The following EVC2 variants were observed in gnomAD, a reference collection of about 807,000 sequenced individuals.
EVC2 encodes EvC ciliary complex subunit 2, also known as limbin.
Under a neutral mutation model 149.3 loss-of-function variants are expected in EVC2, and 148 were observed. The observed-to-expected ratio is 0.99, with a 90% CI of 0.87 to 1.14. EVC2 has a LOEUF of 1.14. Ranked by LOEUF, EVC2 falls within the 50% of genes most tolerant of loss-of-function variation. EVC2 has a pLI of 0.00. For synonymous variants in EVC2, 776 were observed against 649.9 expected (o/e 1.19, Z -2.95); for missense variants, 1,854 against 1,627.3 (o/e 1.14, Z -2.40).
At chr4:5,650,632 T>TAGAGAG (rs1225235146) in intron 9 of EVC2, among the ~76,000 whole-genome samples, 58 of 61,506 alleles carry the variant, frequency 9.4e-4, no homozygotes, top group Middle Eastern at 9.1e-3. Context: ...TATATATATA[T>TAGAGAG]ATATATAGAG....
chr4:5,615,269 A>C (rs1413566889), intron 16 of EVC2, among the ~76,000 whole-genome samples, 153 bp downstream of exon 16: 4 of 152,054 alleles, frequency 2.6e-5, no homozygotes, highest in African/African-American at 9.7e-5. Context: ...GGGTCTTCCA[A>C]CTCTTTCTTA....
intron 16 of EVC2, among the ~76,000 whole-genome samples, chr4:5,595,880 C>G (rs2108803183): frequency 6.6e-6 from 1 of 152,178 alleles, no homozygotes. Flanking sequence ...AAAGAGCTAC[C>G]AAGCAAATGG....
In EVC2 at chr4:5,576,994, C is replaced by T. The variant is rs1412396861; in HGVS notation, c.3058-540G>A. On this transcript the variant is annotated intron_variant, in intron 17 of 21. Coordinates refer to ENST00000344408, the MANE Select transcript of EVC2 (RefSeq NM_147127.5). The surrounding 1 kb of genome is among the most constrained non-coding windows in gnomAD (Gnocchi z 4.5). ...GGTATCTGCATGCACCCGGCATGGACGAAAGCCAGGCTGGAACACAGCAAC... is the reference window on the plus strand; with the variant it reads ...GGTATCTGCATGCACCCGGCATGGATGAAAGCCAGGCTGGAACACAGCAAC... Among the ~76,000 whole-genome samples the T allele has an allele frequency of 2.0e-5, 3 of 152,208 alleles. No individual in the cohort carries two copies. The highest frequency in any genetic ancestry group is 2.9e-5 in the Non-Finnish European group (2 of 68,042).
chr4:5,705,332 G>A (rs561428064), intron 1 of EVC2, among the ~76,000 whole-genome samples: 1 of 152,264 alleles, frequency 6.6e-6, no homozygotes, highest in Admixed American at 6.5e-5. Context: ...AGATAGGCTT[G>A]CTACTGAGCA....
At position 5,688,410 on chromosome 4, in the gene EVC2, C is replaced by T. The variant is rs370547398; in HGVS notation, c.706+747G>A. Among the ~76,000 whole-genome samples the T allele has an allele frequency of 9.5e-4, 144 of 152,238 alleles. 1 individual carries two copies. The highest frequency in any genetic ancestry group is 3.2e-3 in the African/African-American group (135 of 41,566). Reference sequence around the variant, plus strand: ...TGACTCAGCCTTGACAGCGGCCAGCCCTATGACCTCGGGCAAGCTTCTCAG... The same window carrying T: ...TGACTCAGCCTTGACAGCGGCCAGCTCTATGACCTCGGGCAAGCTTCTCAG... On this transcript the variant is annotated intron_variant, in intron 5 of 21. Coordinates refer to ENST00000344408, the MANE Select transcript of EVC2 (RefSeq NM_147127.5).
At chr4:5,529,625 A>G in the EVC2 span, among the ~76,000 whole-genome samples, 4 of 152,192 alleles carry the variant, frequency 2.6e-5, no homozygotes, top group South Asian at 2.1e-4. This position sits in a 1 kb window ranked among gnomAD's most constrained non-coding sequence, Gnocchi z 4.5. Context: ...TAGGTGCTCA[A>G]TAAATGCTTG....
chr4:5,576,656 C>T lies in EVC2; in HGVS notation c.3058-202G>A, dbSNP rs974496842. Among the ~76,000 whole-genome samples the T allele has an allele frequency of 1.3e-5, 2 of 152,192 alleles. No individual in the cohort carries two copies. Among genetic ancestry groups the T allele is most frequent in the African/African-American group, 4.8e-5 (2 of 41,442 alleles). ...GTCACCTCCATGCCTCCACATAGGCCGTTCCCTCCACCTGCAGTGCCTTTC... is the reference window on the plus strand; with the variant it reads ...GTCACCTCCATGCCTCCACATAGGCTGTTCCCTCCACCTGCAGTGCCTTTC... On this transcript the variant is annotated intron_variant, in intron 17 of 21. Transcript: ENST00000344408. The surrounding 1 kb of genome is among the most constrained non-coding windows in gnomAD (Gnocchi z 4.5).
At chr4:5,542,736 TACACATGAA>T (rs1008711429), downstream of EVC2, 71 of 181,568 alleles carry the variant, frequency 3.9e-4, no homozygotes, top group African/African-American at 1.7e-3. Context: ...TCACGGTTAT[TACACATGAA>T]GTGCTACTCA....
chr4:5,585,370 C>T (rs1025847453), intron 16 of EVC2, among the ~76,000 whole-genome samples: 1 of 152,126 alleles, frequency 6.6e-6, no homozygotes, highest in South Asian at 2.1e-4. Flanking sequence ...TCCCATTCTC[C>T]CTTCCTGAAA....
chr4:5,700,402 G>A (rs943177449), intron 1 of EVC2, among the ~76,000 whole-genome samples: 1 of 152,148 alleles, frequency 6.6e-6, no homozygotes, highest in Non-Finnish European at 1.5e-5. Flanking sequence ...TCTGTCCCCT[G>A]GAACTTTCTA....
At position 5,584,743 on chromosome 4, in the gene EVC2, G is replaced by T. The variant is rs750126669; in HGVS notation, c.2937C>A (p.Thr979=). Reference sequence around the variant, plus strand: ...GGGCGGTGTAGGCCGACAGAGTCTCGGTCACCCGGGACGCCTTCTGGAACT... The same window carrying T: ...GGGCGGTGTAGGCCGACAGAGTCTCTGTCACCCGGGACGCCTTCTGGAACT... The part of the protein sequence containing the change: ...ALQFQKASRV[T]ETLSAYTALL... The change falls in exon 17 of 22, where the codon ACC becomes ACA. Residue 979 remains threonine, a synonymous_variant. Coordinates refer to ENST00000344408, the MANE Select transcript of EVC2 (RefSeq NM_147127.5). 1 of 1,614,082 alleles carries T rather than the reference G, an allele frequency of 6.2e-7. No homozygotes were observed. Among genetic ancestry groups the T allele is most frequent in the Middle Eastern group, 1.7e-4 (1 of 6,060 alleles).
intron 9 of EVC2, among the ~76,000 whole-genome samples, chr4:5,658,638 G>GA (rs1256812323): frequency 6.6e-6 from 1 of 152,286 alleles, no homozygotes; most frequent in African/African-American, 2.4e-5. Flanking sequence ...CTTTGACTCT[G>GA]AAAAAATCTA....
intron 16 of EVC2, among the ~76,000 whole-genome samples, chr4:5,597,481 AAT>A (rs1440578870): frequency 6.6e-6 from 1 of 151,318 alleles, no homozygotes; most frequent in Non-Finnish European, 1.5e-5. Context: ...TGATTATCTC[AAT>A]AGATGCAGAA....
At chr4:5,565,237 T>A (rs778589981) in intron 21 of EVC2, 21 bp downstream of exon 21, 1 of 1,610,062 alleles carries the variant, frequency 6.2e-7, no homozygotes, top group Non-Finnish European at 8.5e-7. Context: ...CCCAGCCACA[T>A]GAGCAGGTGC....
chr4:5,622,548 G>A lies in EVC2; in HGVS notation c.2490C>T (p.His830=), dbSNP rs944565097. The change falls in exon 14 of 22, where the codon CAC becomes CAT. Residue 830 remains histidine (H), a synonymous_variant. Coordinates refer to ENST00000344408, the MANE Select transcript of EVC2 (RefSeq NM_147127.5). This position sits in a 1 kb window ranked among gnomAD's most constrained non-coding sequence, Gnocchi z 5.8. ...GCAAAGGCACTCACATGAAGATCAGGTGCTCCCAGCGTCGCAGCTCTGCCT... is the reference window on the plus strand; with the variant it reads ...GCAAAGGCACTCACATGAAGATCAGATGCTCCCAGCGTCGCAGCTCTGCCT... ...EEQAELRRWE[H]LIFMKLCSSV... is the part of the protein sequence containing the mutation. The A allele has an allele frequency of 1.2e-6, 2 of 1,613,836 alleles. No individual in the cohort carries two copies. The highest frequency in any genetic ancestry group is 1.7e-6 in the Non-Finnish European group (2 of 1,179,928).
chr4:5,693,002 C>A (rs1232059427), intron 3 of EVC2, among the ~76,000 whole-genome samples: 1 of 152,218 alleles, frequency 6.6e-6, no homozygotes, highest in African/African-American at 2.4e-5. Context: ...CCACTACACC[C>A]CCGCTAATGC....
chr4:5,694,574 C>G, intron 2 of EVC2, 73 bp from the exon 3 acceptor site: 2 of 1,560,440 alleles, frequency 1.3e-6, no homozygotes, highest in Admixed American at 3.3e-5. Flanking sequence ...CCTCTAGAGA[C>G]AGACTACAGG....
At chr4:5,674,338 G>C (rs1372703113) in intron 7 of EVC2, among the ~76,000 whole-genome samples, 2 of 152,178 alleles carry the variant, frequency 1.3e-5, no homozygotes, top group African/African-American at 4.8e-5. Flanking sequence ...TGACTGCAAT[G>C]ATGTTGAGTT....
chr4:5,701,838 TTC>T (rs921017017), intron 1 of EVC2, among the ~76,000 whole-genome samples: 4 of 152,034 alleles, frequency 2.6e-5, no homozygotes, highest in African/African-American at 9.7e-5. Context: ...ATTCTTCTCT[TTC>T]TCTCTCTCAA....
Sources: allele counts gnomAD v4.1 joint callset (sites outside exome capture counted in the v4.1 genomes callset), GRCh38; gene constraint gnomAD v4.1.1; non-coding constraint Gnocchi (gnomAD v3.1); transcripts MANE v1.5; gene names NCBI Gene and HGNC (gene_info 2026-07-23, HGNC 2026-07-21).